Variants in CMIP observed in about 807,000 individuals in gnomAD.
CMIP encodes the protein c-Maf inducing protein.
In CMIP, 13 loss-of-function variants were observed where a neutral mutation model predicts 97.3. The observed-to-expected ratio is 0.13, with a 90% CI of 0.09 to 0.21. CMIP has a LOEUF of 0.21. Ranked by LOEUF, CMIP falls within the 10% of genes least tolerant of loss-of-function variation. The probability of loss-of-function intolerance (pLI) is 1.00; values close to 1 mark genes in which losing one functional copy is unlikely to be tolerated. For synonymous variants in CMIP, 538 were observed against 436.3 expected (o/e 1.23, Z -2.91); for missense variants, 847 against 1,024.9 (o/e 0.83, Z 2.37).
intron 15 of CMIP, among the ~76,000 whole-genome samples, chr16:81,701,208 G>C (rs1029900172): frequency 6.6e-6 from 1 of 152,210 alleles, no homozygotes; most frequent in African/African-American, 2.4e-5. Flanking sequence ...CACATGTGCA[G>C]TCATGAGGCC....
intron 1 of CMIP, among the ~76,000 whole-genome samples, chr16:81,587,622 C>T (rs1409231142): frequency 6.6e-6 from 1 of 152,198 alleles, no homozygotes; most frequent in Non-Finnish European, 1.5e-5. Context: ...CCAAAGGCCA[C>T]CCAATGGGTG....
At chr16:81,670,820 C>A (rs898386278) in intron 8 of CMIP, among the ~76,000 whole-genome samples, 1 of 152,000 alleles carries the variant, frequency 6.6e-6, no homozygotes, top group Admixed American at 6.6e-5. Flanking sequence ...TTGTTCTTCT[C>A]ATCTCTTTTG....
intron 20 of CMIP, among the ~76,000 whole-genome samples, chr16:81,709,339 C>G (rs555554220): frequency 6.8e-4 from 103 of 152,244 alleles, no homozygotes; most frequent in Non-Finnish European, 9.7e-4. Flanking sequence ...TGGTATTTAA[C>G]CCCTAGCACC....
chr16:81,564,953 A>T (rs1162895679), intron 1 of CMIP, among the ~76,000 whole-genome samples: 1 of 151,140 alleles, frequency 6.6e-6, no homozygotes, highest in Non-Finnish European at 1.5e-5. Context: ...GGAGGCATGA[A>T]CCTGTGGGGG....
chr16:81,507,660 G>A (rs1194331109), intron 1 of CMIP, among the ~76,000 whole-genome samples: 1 of 152,194 alleles, frequency 6.6e-6, no homozygotes, highest in Non-Finnish European at 1.5e-5. Context: ...GGAGTCATTG[G>A]AGATATTATT....
intron 1 of CMIP, among the ~76,000 whole-genome samples, chr16:81,574,690 T>G (rs1166127908): frequency 3.9e-5 from 6 of 152,220 alleles, no homozygotes; most frequent in Non-Finnish European, 1.5e-5. Flanking sequence ...GTAGGTTTGA[T>G]GTCCCGGATG....
intron 1 of CMIP, among the ~76,000 whole-genome samples, chr16:81,568,192 C>T (rs897724471): frequency 4.6e-5 from 7 of 152,128 alleles, no homozygotes; most frequent in African/African-American, 1.2e-4. Flanking sequence ...TGAGGTCCTT[C>T]GGTTTGTCTT....
chr16:81,574,144 C>T (rs1234552723), intron 1 of CMIP, among the ~76,000 whole-genome samples: 2 of 152,234 alleles, frequency 1.3e-5, no homozygotes, highest in Non-Finnish European at 2.9e-5. Context: ...AGATACAGAA[C>T]ATTTCCATCA....
intron 3 of CMIP, chr16:81,645,286 T>G: frequency 9.9e-7 from 1 of 1,005,854 alleles, no homozygotes; most frequent in East Asian, 3.7e-5. Flanking sequence ...TCCTCCACTC[T>G]GCAGTGCCAT....
chr16:81,704,212 GC>G (rs1164735726), intron 18 of CMIP, 127 bp downstream of exon 18: 6 of 497,808 alleles, frequency 1.2e-5, no homozygotes, highest in African/African-American at 3.9e-5. Flanking sequence ...CCTCCTTCCT[GC>G]CCCCTCCCCC....
intron 10 of CMIP, among the ~76,000 whole-genome samples, chr16:81,682,096 G>T (rs1024804717): frequency 1.3e-5 from 2 of 152,140 alleles, no homozygotes; most frequent in Non-Finnish European, 2.9e-5. Flanking sequence ...CCAGCTACTC[G>T]GGAGGCTGAA....
intron 3 of CMIP, among the ~76,000 whole-genome samples, chr16:81,625,204 T>C (rs2092045282): frequency 6.6e-6 from 1 of 152,222 alleles, no homozygotes; most frequent in Non-Finnish European, 1.5e-5. Context: ...TGAGGAGGCC[T>C]GGAGCCTGCA....
At chr16:81,556,464 G>A (rs559372416) in intron 1 of CMIP, among the ~76,000 whole-genome samples, 55 of 152,132 alleles carry the variant, frequency 3.6e-4, no homozygotes, top group Non-Finnish European at 6.0e-4. Context: ...CCAACAATGC[G>A]TGAAGGTTGT....
intron 1 of CMIP, among the ~76,000 whole-genome samples, chr16:81,483,590 T>A (rs565765817): frequency 6.6e-6 from 1 of 151,940 alleles, no homozygotes; most frequent in East Asian, 1.9e-4. Context: ...TTCCTCTTCC[T>A]CTTCCTCTTC....
intron 1 of CMIP, among the ~76,000 whole-genome samples, chr16:81,583,460 C>T (rs1597115198): frequency 1.3e-5 from 2 of 152,174 alleles, no homozygotes; most frequent in Admixed American, 6.5e-5. Flanking sequence ...CAGTTAGTGC[C>T]CGAATTTGCT....
At chr16:81,685,284 G>A (rs1213047645) in intron 10 of CMIP, among the ~76,000 whole-genome samples, 1 of 152,182 alleles carries the variant, frequency 6.6e-6, no homozygotes, top group African/African-American at 2.4e-5. Flanking sequence ...AGACCGAGAG[G>A]AGGAGGCTTC....
intron 3 of CMIP, among the ~76,000 whole-genome samples, chr16:81,639,373 C>G (rs2092276312): frequency 6.6e-6 from 1 of 152,210 alleles, no homozygotes; most frequent in Non-Finnish European, 1.5e-5. Context: ...GTCTCCAGAA[C>G]TTTCTCCTCT....
At chr16:81,615,396 G>T (rs541074252) in intron 2 of CMIP, among the ~76,000 whole-genome samples, 1 of 148,240 alleles carries the variant, frequency 6.7e-6, no homozygotes, top group South Asian at 2.2e-4. Context: ...TGGTGTGTGT[G>T]TGGTGTATGG....
At chr16:81,645,883 T>C (rs1310548310) in intron 3 of CMIP, 1 of 499,726 alleles carries the variant, frequency 2.0e-6, no homozygotes, top group Non-Finnish European at 3.6e-6. Context: ...ACAGTAGTTA[T>C]TCTTATCCTG....
Sources: gnomAD v4.1 joint callset for allele counts (sites outside exome capture counted in the v4.1 genomes callset) on GRCh38, gnomAD v4.1.1 for gene constraint, MANE v1.5 for transcripts, NCBI Gene and HGNC (gene_info 2026-07-23, HGNC 2026-07-21) for gene names.